COL24A1: variants seen among roughly 807,000 people sequenced by gnomAD.
The protein encoded by COL24A1 is collagen type XXIV alpha 1 chain, also known as collagen alpha-1(XXIV) chain.
In COL24A1, 224 loss-of-function variants were observed where a neutral mutation model predicts 253.9. That is an observed-to-expected ratio of 0.88 (90% CI 0.79 to 0.99). COL24A1 has a LOEUF of 0.99. Among genes scored for constraint, COL24A1 ranks in the 50% least tolerant of loss-of-function variants. The pLI, the probability that COL24A1 is intolerant of heterozygous loss-of-function variation, is 0.00. For synonymous variants in COL24A1, 685 were observed against 673.7 expected (o/e 1.02, Z -0.26); for missense variants, 2,131 against 2,068.5 (o/e 1.03, Z -0.59).
intron 45 of COL24A1, among the ~76,000 whole-genome samples, chr1:85,819,277 A>G (rs1384229222): frequency 6.6e-6 from 1 of 152,248 alleles, no homozygotes; most frequent in Non-Finnish European, 1.5e-5. Context: ...CACAATAAAA[A>G]AGCAAAATAA....
intron 2 of COL24A1, among the ~76,000 whole-genome samples, chr1:86,127,824 C>T (rs993209151): frequency 1.3e-5 from 2 of 152,044 alleles, no homozygotes; most frequent in Non-Finnish European, 2.9e-5. Flanking sequence ...AGTCTCACAA[C>T]TGTGTACAAC....
At chr1:85,731,403 T>C (rs1159179502) in intron 59 of COL24A1, among the ~76,000 whole-genome samples, 2 of 152,234 alleles carry the variant, frequency 1.3e-5, no homozygotes, top group Non-Finnish European at 2.9e-5. Flanking sequence ...TTTTAAATTT[T>C]GAAGGAACTT....
intron 2 of COL24A1, among the ~76,000 whole-genome samples, chr1:86,129,204 T>G (rs1282902715): frequency 6.6e-6 from 1 of 151,832 alleles, no homozygotes; most frequent in Admixed American, 6.6e-5. Context: ...AAATTTCCTC[T>G]AGGCTTTTAC....
At chr1:86,135,281 G>C (rs1650043775) in intron 2 of COL24A1, among the ~76,000 whole-genome samples, 2 of 152,078 alleles carry the variant, frequency 1.3e-5, no homozygotes, top group African/African-American at 4.8e-5. Context: ...ACAGCACACT[G>C]ATGTGTCTTG....
chr1:85,835,313 G>A (rs1379677422), intron 43 of COL24A1, among the ~76,000 whole-genome samples: 3 of 152,048 alleles, frequency 2.0e-5, no homozygotes, highest in African/African-American at 2.4e-5. Flanking sequence ...TTGTATTTTA[G>A]TAGAGATGGG....
chr1:85,784,223 A>G (rs1210162449), intron 49 of COL24A1, 36 bp downstream of exon 49: 3 of 1,611,682 alleles, frequency 1.9e-6, no homozygotes, highest in Non-Finnish European at 2.5e-6. Flanking sequence ...TGCTCTGTAG[A>G]ATAAATGCTT....
intron 47 of COL24A1, among the ~76,000 whole-genome samples, chr1:85,808,790 A>C (rs190260247): frequency 6.6e-6 from 1 of 152,204 alleles, no homozygotes; most frequent in African/African-American, 2.4e-5. Flanking sequence ...AGACTGCAGC[A>C]TTGCAGTAGA....
chr1:85,834,430 G>C (rs1440427906), intron 43 of COL24A1, among the ~76,000 whole-genome samples: 1 of 152,150 alleles, frequency 6.6e-6, no homozygotes, highest in African/African-American at 2.4e-5. Context: ...ACAAGAGGAA[G>C]ATCAGATTAA....
chr1:85,934,708 T>A (rs12740695), intron 24 of COL24A1, among the ~76,000 whole-genome samples: 67,862 of 151,864 alleles, frequency 0.45, 16,140 homozygotes, highest in East Asian at 0.75. Flanking sequence ...TTGTAAATAG[T>A]TTCATTGGAA....
At chr1:86,027,619 A>T (rs1698160861) in intron 14 of COL24A1, among the ~76,000 whole-genome samples, 1 of 152,234 alleles carries the variant, frequency 6.6e-6, no homozygotes, top group Non-Finnish European at 1.5e-5. Flanking sequence ...AAATGCCTGG[A>T]TGTCCAGGCA....
intron 24 of COL24A1, 26 bp from the exon 25 acceptor site, chr1:85,911,459 A>C (rs369314487): frequency 1.3e-6 from 2 of 1,581,622 alleles, no homozygotes; most frequent in African/African-American, 2.7e-5. Flanking sequence ...AATAACAGAA[A>C]ATACACACAT....
intron 24 of COL24A1, among the ~76,000 whole-genome samples, chr1:85,946,614 A>G (rs1689345418): frequency 6.6e-6 from 1 of 152,172 alleles, no homozygotes; most frequent in South Asian, 2.1e-4. Flanking sequence ...GCTTCATCCA[A>G]GGCAGTTCTT....
At chr1:85,994,065 G>A (rs1342782855) in intron 19 of COL24A1, among the ~76,000 whole-genome samples, 1 of 151,836 alleles carries the variant, frequency 6.6e-6, no homozygotes, top group Non-Finnish European at 1.5e-5. Context: ...TTCAATTATT[G>A]ATTTAATATC....
intron 2 of COL24A1, among the ~76,000 whole-genome samples, chr1:86,130,988 T>C (rs1649087385): frequency 6.6e-6 from 1 of 152,040 alleles, no homozygotes; most frequent in Admixed American, 6.6e-5. Context: ...TGTTGGACTT[T>C]TCAGAATTGA....
At position 86,125,963 on chromosome 1, in the gene COL24A1, T is replaced by C. The variant is rs1572010547; in HGVS notation, c.373A>G (p.Ile125Val). The C allele has an allele frequency of 1.9e-6, 3 of 1,613,596 alleles. No individual in the cohort carries two copies. The highest frequency in any genetic ancestry group is 2.7e-5 in the African/African-American group (2 of 75,022). ...HRVNNAFLFS[I>V]RNKNRLQLGV... Reference sequence around the variant, plus strand: ...AATTGCAGTCTATTTTTATTTCTAATGCTGAAGAGAAATGCATTGTTCACC... The same window carrying C: ...AATTGCAGTCTATTTTTATTTCTAACGCTGAAGAGAAATGCATTGTTCACC... The change falls in exon 3 of 60, where the codon ATT becomes GTT. Residue 125 changes from isoleucine to valine, a missense_variant. Ile to Val is a conservative substitution (Grantham distance 29, BLOSUM62 3). Coordinates refer to ENST00000370571, the MANE Select transcript of COL24A1 (RefSeq NM_152890.7).
chr1:85,921,866 C>T (rs1440335842), intron 24 of COL24A1, among the ~76,000 whole-genome samples: 3 of 152,154 alleles, frequency 2.0e-5, no homozygotes, highest in African/African-American at 2.4e-5. Flanking sequence ...TAACAAACTT[C>T]TCCGAGCTAA....
intron 1 of COL24A1, among the ~76,000 whole-genome samples, chr1:86,148,108 A>C (rs533686457): frequency 6.6e-6 from 1 of 152,314 alleles, no homozygotes; most frequent in South Asian, 2.1e-4. Context: ...GAGATGATAT[A>C]AAGTCCTCCT....
At chr1:86,150,990 C>G (rs1053697885) in intron 1 of COL24A1, among the ~76,000 whole-genome samples, 2 of 151,886 alleles carry the variant, frequency 1.3e-5, no homozygotes, top group Non-Finnish European at 2.9e-5. Context: ...CATTAGTATA[C>G]TGGCATTAAA....
chr1:85,741,128 A>AAAAAG (rs752819577), intron 57 of COL24A1, among the ~76,000 whole-genome samples: 15 of 151,122 alleles, frequency 9.9e-5, no homozygotes, highest in Non-Finnish European at 1.8e-4. Context: ...CAAAAAAAAA[A>AAAAAG]AAAAGAAAAG....
Sources: allele counts gnomAD v4.1 joint callset (sites outside exome capture counted in the v4.1 genomes callset), GRCh38; gene constraint gnomAD v4.1.1; transcripts MANE v1.5; gene names NCBI Gene and HGNC (gene_info 2026-07-23, HGNC 2026-07-21).